The following ADAMTSL1 variants were observed in gnomAD, a reference collection of about 807,000 sequenced individuals.
ADAMTSL1 encodes ADAMTS-like protein 1.
A neutral mutation model predicts 201.8 loss-of-function variants in ADAMTSL1; 126 were observed. That is an observed-to-expected ratio of 0.62 (90% CI 0.54 to 0.72). ADAMTSL1 has a LOEUF of 0.72. ADAMTSL1 is among the 30% of genes least tolerant of loss of function. ADAMTSL1 has a pLI of 0.00. For synonymous variants in ADAMTSL1, 1,121 were observed against 903.4 expected (o/e 1.24, Z -4.32); for missense variants, 2,679 against 2,277.8 (o/e 1.18, Z -3.59).
chr9:18,159,328 C>A (rs1288419306), intron 1 of ADAMTSL1, among the ~76,000 whole-genome samples: 1 of 151,940 alleles, frequency 6.6e-6, no homozygotes, highest in Non-Finnish European at 1.5e-5. Context: ...GAGACATGAG[C>A]TTGGCTATGA....
At chr9:18,847,037 C>T (rs766792505) in intron 23 of ADAMTSL1, among the ~76,000 whole-genome samples, 2 of 152,230 alleles carry the variant, frequency 1.3e-5, no homozygotes, top group African/African-American at 2.4e-5. Context: ...CCCAAAGCTT[C>T]TGTTTGCTAA....
chr9:18,239,380 A>G (rs534451571), intron 2 of ADAMTSL1, among the ~76,000 whole-genome samples: 1 of 152,230 alleles, frequency 6.6e-6, no homozygotes, highest in Non-Finnish European at 1.5e-5. Flanking sequence ...AAATATTTTA[A>G]GTAATTTGTT....
chr9:18,373,055 A>C (rs1443480838), intron 2 of ADAMTSL1, among the ~76,000 whole-genome samples: 2 of 152,142 alleles, frequency 1.3e-5, no homozygotes, highest in Non-Finnish European at 2.9e-5. Context: ...GGAATCCCTT[A>C]CCTTTTGGAA....
chr9:18,108,224 A>G (rs904019126), intron 1 of ADAMTSL1, among the ~76,000 whole-genome samples: 2 of 143,526 alleles, frequency 1.4e-5, no homozygotes, highest in Non-Finnish European at 3.0e-5. Flanking sequence ...TTTTTGAAAC[A>G]GGGTTCTACT....
At chr9:18,628,473 G>A (rs973240284) in intron 5 of ADAMTSL1, among the ~76,000 whole-genome samples, 23 of 152,008 alleles carry the variant, frequency 1.5e-4, no homozygotes, top group African/African-American at 1.4e-4. Context: ...TTTTATTACC[G>A]TGGCTTTAAG....
chr9:18,428,138 C>T (rs1400306206), intron 2 of ADAMTSL1, among the ~76,000 whole-genome samples: 3 of 152,096 alleles, frequency 2.0e-5, no homozygotes, highest in Non-Finnish European at 4.4e-5. Context: ...TATAATTTTT[C>T]CACAAAATTC....
At position 18,776,987 on chromosome 9, in the gene ADAMTSL1, A is replaced by G. The variant is rs767992841; in HGVS notation, c.2758A>G (p.Ser920Gly). The G allele has an allele frequency of 1.9e-6, 3 of 1,599,644 alleles. No homozygotes were observed. Among genetic ancestry groups the G allele is most frequent in the East Asian group, 2.2e-5 (1 of 44,608 alleles). The part of the protein sequence containing the change: ...TWEKDGQHLI[S>G]STHVTVAPFG... ...GGAGAAGGACGGCCAGCACCTCATCAGCTCGACGCACGTCACGGTGGCCCC... is the reference window on the plus strand; with the variant it reads ...GGAGAAGGACGGCCAGCACCTCATCGGCTCGACGCACGTCACGGTGGCCCC... The change falls in exon 19 of 29, where the codon AGC (serine) becomes GGC (glycine). Residue 920 changes from serine (S) to glycine (G), a missense_variant. By Grantham distance (56) the Ser-to-Gly change is moderately conservative (BLOSUM62 0). Coordinates refer to ENST00000380548, the MANE Select transcript of ADAMTSL1 (RefSeq NM_001040272.6).
chr9:18,568,831 A>G (rs570160496), intron 3 of ADAMTSL1, among the ~76,000 whole-genome samples: 186 of 152,032 alleles, frequency 1.2e-3, no homozygotes, highest in Non-Finnish European at 1.8e-3. Flanking sequence ...ACATAAAAGC[A>G]TTAATAGGAT....
At chr9:18,805,651 C>T (rs1458817767) in intron 20 of ADAMTSL1, among the ~76,000 whole-genome samples, 1 of 152,222 alleles carries the variant, frequency 6.6e-6, no homozygotes, top group Non-Finnish European at 1.5e-5. Context: ...CTCGGGACAC[C>T]TAACCTGTAG....
intron 2 of ADAMTSL1, among the ~76,000 whole-genome samples, chr9:18,319,101 C>T (rs1392156956): frequency 6.6e-6 from 1 of 151,986 alleles, no homozygotes; most frequent in Non-Finnish European, 1.5e-5. Flanking sequence ...ACTGTAATGC[C>T]AGCTACTCCT....
chr9:18,529,420 A>G (rs978233517), intron 2 of ADAMTSL1, among the ~76,000 whole-genome samples: 4 of 152,174 alleles, frequency 2.6e-5, no homozygotes, highest in African/African-American at 7.2e-5. Context: ...ATTGTTTGAT[A>G]GACTTAGGAG....
At chr9:18,138,617 G>A (rs553887128) in intron 1 of ADAMTSL1, among the ~76,000 whole-genome samples, 19 of 152,064 alleles carry the variant, frequency 1.2e-4, no homozygotes, top group South Asian at 6.2e-4. Context: ...ACACGTTTTC[G>A]TAGTGTGACT....
intron 1 of ADAMTSL1, among the ~76,000 whole-genome samples, chr9:18,025,690 C>G (rs188474858): frequency 6.6e-6 from 1 of 152,090 alleles, no homozygotes; most frequent in African/African-American, 2.4e-5. Flanking sequence ...TAATGTGATG[C>G]CTCTAGCTTT....
chr9:18,863,800 G>T (rs995348619), intron 23 of ADAMTSL1, among the ~76,000 whole-genome samples: 2 of 152,102 alleles, frequency 1.3e-5, no homozygotes, highest in Non-Finnish European at 2.9e-5. Flanking sequence ...TGGCCTTAGA[G>T]TGAGGCCCGT....
At chr9:18,864,350 A>C (rs1002258110) in intron 23 of ADAMTSL1, among the ~76,000 whole-genome samples, 43 of 152,148 alleles carry the variant, frequency 2.8e-4, no homozygotes, top group African/African-American at 1.0e-3. Context: ...GGAACACATC[A>C]AAATGAACTT....
In ADAMTSL1 at chr9:18,513,945, C is replaced by A. The variant is rs150765497; in HGVS notation, c.191+8989C>A. 9.5e-3 allele frequency among the ~76,000 whole-genome samples: 1,442 copies of A among 152,270 alleles called. 10 individuals are homozygous for A. Among genetic ancestry groups the A allele is most frequent in the Non-Finnish European group, 0.015 (990 of 68,022 alleles). ...GAACTGTGATGCCTTCAGCTTTGTTCTCTCTCAATATTGTTCTGAACATTC... is the reference window on the plus strand; with the variant it reads ...GAACTGTGATGCCTTCAGCTTTGTTATCTCTCAATATTGTTCTGAACATTC... On this transcript the variant is annotated intron_variant, in intron 2 of 28. Coordinates refer to ENST00000380548, the MANE Select transcript of ADAMTSL1 (RefSeq NM_001040272.6).
At position 18,906,697 on chromosome 9, in the gene ADAMTSL1, T is replaced by C. The variant is rs755979107; in HGVS notation, c.4967T>C (p.Val1656Ala). 3.1e-6 allele frequency: 5 copies of C among 1,591,962 alleles called. No homozygotes were observed. Among genetic ancestry groups the C allele is most frequent in the East Asian group, 2.3e-5 (1 of 44,106 alleles). The change falls in exon 28 of 29, where the codon GTG becomes GCG. Residue 1656 changes from valine (V) to alanine (A), a missense_variant. Physicochemically the swap from Val to Ala is moderately conservative, Grantham distance 64 (BLOSUM62 0). Coordinates refer to ENST00000380548, the MANE Select transcript of ADAMTSL1 (RefSeq NM_001040272.6). ...SEQCSALPRP[V>A]STQNCWSEAC... is the part of the protein sequence containing the mutation. The stretch of plus-strand genomic sequence containing the variant: ...CTGCCACCATCCTCCTGCAGGCCTG[T>C]GAGCACCCAGAACTGCTGGTCAGAG...
At chr9:18,003,891 A>T (rs978645874) in intron 1 of ADAMTSL1, among the ~76,000 whole-genome samples, 2 of 152,038 alleles carry the variant, frequency 1.3e-5, no homozygotes, top group African/African-American at 4.8e-5. Flanking sequence ...TAATTTAAGT[A>T]CACTTAGGTT....
intron 2 of ADAMTSL1, among the ~76,000 whole-genome samples, chr9:18,188,998 C>G (rs770317392): frequency 6.6e-6 from 1 of 152,134 alleles, no homozygotes; most frequent in Non-Finnish European, 1.5e-5. Flanking sequence ...TGCTCTTTAT[C>G]GCTGTACAGG....
Sources: gnomAD v4.1 joint callset for allele counts (sites outside exome capture counted in the v4.1 genomes callset) on GRCh38, gnomAD v4.1.1 for gene constraint, MANE v1.5 for transcripts, NCBI Gene and HGNC (gene_info 2026-07-23, HGNC 2026-07-21) for gene names.